The following ROBO1 variants were observed in gnomAD, a reference collection of about 807,000 sequenced individuals.
ROBO1 encodes roundabout guidance receptor 1.
ROBO1 carries 149 observed loss-of-function variants against 195.9 expected under a neutral mutation model. That is an observed-to-expected ratio of 0.76 (90% CI 0.67 to 0.87). ROBO1 has a LOEUF of 0.87. Ranked by LOEUF, ROBO1 falls within the 40% of genes least tolerant of loss-of-function variation. ROBO1 has a pLI of 0.00. For missense variants in ROBO1, 1,933 were observed against 2,068.3 expected, an observed-to-expected ratio of 0.93 and a Z score of 1.27; for synonymous variants, 816 against 733.2, an observed-to-expected ratio of 1.11 and a Z score of -1.82.
At chr3:79,303,075 T>G (rs114800066) in intron 2 of ROBO1, among the ~76,000 whole-genome samples, 5,058 of 152,002 alleles carry the variant, frequency 0.033, 248 homozygotes, top group African/African-American at 0.11. Context: ...TATGTATTTA[T>G]AATGTATAAC....
At chr3:79,060,252 C>T (rs377103507) in intron 3 of ROBO1, among the ~76,000 whole-genome samples, 16 of 151,858 alleles carry the variant, frequency 1.1e-4, no homozygotes, top group African/African-American at 2.9e-4. Flanking sequence ...CAATGTGTGC[C>T]CAGCAGGACA....
intron 2 of ROBO1, among the ~76,000 whole-genome samples, chr3:79,190,022 T>C (rs2081509630): frequency 6.6e-6 from 1 of 151,724 alleles, no homozygotes; most frequent in South Asian, 2.1e-4. Flanking sequence ...GTTACAGAAT[T>C]TTATACATTC....
chr3:79,631,123 G>A (rs531806510), intron 1 of ROBO1, among the ~76,000 whole-genome samples: 60 of 151,636 alleles, frequency 4.0e-4, no homozygotes, highest in Non-Finnish European at 6.5e-4. Flanking sequence ...ACCAACAAGA[G>A]TTTTCACATA....
chr3:79,602,728 A>T (rs1014841807), intron 1 of ROBO1, among the ~76,000 whole-genome samples: 1 of 152,014 alleles, frequency 6.6e-6, no homozygotes, highest in African/African-American at 2.4e-5. Context: ...GAAAGAGTAT[A>T]AATTTCAACA....
chr3:78,673,562 T>TTTTATATATATATA (rs1397758766), intron 10 of ROBO1, among the ~76,000 whole-genome samples: 1 of 63,366 alleles, frequency 1.6e-5, no homozygotes, highest in African/African-American at 5.2e-5. Flanking sequence ...TACATATATT[T>TTTTATATATATATA]TATATATATA....
At chr3:78,731,697 G>C (rs1053371140) in intron 5 of ROBO1, among the ~76,000 whole-genome samples, 3 of 152,152 alleles carry the variant, frequency 2.0e-5, no homozygotes, top group African/African-American at 7.2e-5. Context: ...CATTATAGCA[G>C]ACAAATTCAA....
intron 3 of ROBO1, among the ~76,000 whole-genome samples, chr3:78,939,346 G>A (rs2107689488): frequency 6.6e-6 from 1 of 152,168 alleles, no homozygotes; most frequent in Admixed American, 6.5e-5. Context: ...CCGGCGCGGG[G>A]GCTCACGCCT....
chr3:79,267,225 AAG>A (rs2108959143), intron 2 of ROBO1, among the ~76,000 whole-genome samples: 1 of 151,646 alleles, frequency 6.6e-6, no homozygotes, highest in Admixed American at 6.6e-5. Flanking sequence ...CTAAATATAA[AAG>A]AGGAATATAT....
At chr3:79,560,126 T>A (rs1340821563) in intron 2 of ROBO1, among the ~76,000 whole-genome samples, 1 of 151,934 alleles carries the variant, frequency 6.6e-6, no homozygotes, top group Non-Finnish European at 1.5e-5. Context: ...AATTTCTATA[T>A]CAAGGAGAGA....
At chr3:79,301,558 G>C (rs1428587939) in intron 2 of ROBO1, among the ~76,000 whole-genome samples, 4 of 152,136 alleles carry the variant, frequency 2.6e-5, no homozygotes, top group African/African-American at 9.7e-5. Flanking sequence ...GTCTTATTGT[G>C]TGAGTTGATA....
At chr3:79,622,620 G>T (rs1293762528) in intron 1 of ROBO1, among the ~76,000 whole-genome samples, 3 of 152,200 alleles carry the variant, frequency 2.0e-5, no homozygotes, top group African/African-American at 7.2e-5. Flanking sequence ...TTCCTCATTG[G>T]GTTGGGCTTC....
intron 2 of ROBO1, among the ~76,000 whole-genome samples, chr3:79,513,445 A>T (rs1200215382): frequency 6.6e-6 from 1 of 152,112 alleles, no homozygotes; most frequent in Non-Finnish European, 1.5e-5. Context: ...TCAGATGATT[A>T]CCATGAACTC....
intron 2 of ROBO1, among the ~76,000 whole-genome samples, chr3:79,279,846 T>A (rs934423509): frequency 1.3e-5 from 2 of 150,950 alleles, no homozygotes; most frequent in Non-Finnish European, 2.9e-5. Flanking sequence ...GTTGTAGGTG[T>A]CCAACAAATG....
chr3:79,257,949 T>G (rs1169530414), intron 2 of ROBO1, among the ~76,000 whole-genome samples: 1 of 152,084 alleles, frequency 6.6e-6, no homozygotes, highest in African/African-American at 2.4e-5. Context: ...GGAAGTAATA[T>G]TTTGGTTAGT....
intron 2 of ROBO1, among the ~76,000 whole-genome samples, chr3:79,342,495 T>C (rs186694002): frequency 6.6e-6 from 1 of 152,288 alleles, no homozygotes; most frequent in Admixed American, 6.5e-5. Context: ...AAAATTCACA[T>C]TTCTGTACTA....
chr3:79,188,541 T>G (rs2081481906), intron 2 of ROBO1, among the ~76,000 whole-genome samples: 1 of 151,660 alleles, frequency 6.6e-6, no homozygotes, highest in African/African-American at 2.4e-5. Context: ...CATGCACCTT[T>G]GCACACGCAC....
intron 1 of ROBO1, among the ~76,000 whole-genome samples, chr3:79,755,382 A>G (rs1052542696): frequency 5.9e-5 from 9 of 152,134 alleles, no homozygotes; most frequent in Non-Finnish European, 1.2e-4. Flanking sequence ...AAAAGAGTAC[A>G]ACCAAGTTAG....
intron 4 of ROBO1, among the ~76,000 whole-genome samples, chr3:78,832,952 G>A (rs1267537814): frequency 6.6e-6 from 1 of 152,160 alleles, no homozygotes; most frequent in Non-Finnish European, 1.5e-5. Flanking sequence ...AGTATAGGAT[G>A]ACTAGAGAGG....
chr3:79,753,496 A>T (rs779337834), intron 1 of ROBO1, among the ~76,000 whole-genome samples: 7 of 152,194 alleles, frequency 4.6e-5, no homozygotes, highest in Non-Finnish European at 1.0e-4. Flanking sequence ...CCACTCAGTG[A>T]TTTGCAAGAG....
Sources: allele counts gnomAD v4.1 joint callset (sites outside exome capture counted in the v4.1 genomes callset), GRCh38; gene constraint gnomAD v4.1.1; transcripts MANE v1.5; gene names NCBI Gene and HGNC (gene_info 2026-07-23, HGNC 2026-07-21).